The following KCNT2 variants were observed in gnomAD, a reference collection of about 807,000 sequenced individuals.
KCNT2 encodes potassium channel subfamily T member 2.
A neutral mutation model predicts 153.8 loss-of-function variants in KCNT2; 67 were observed. The ratio of observed to expected loss-of-function variants is 0.44; its 90% CI spans 0.36 to 0.53. The LOEUF is 0.53. Ranked by LOEUF, KCNT2 falls within the 20% of genes least tolerant of loss-of-function variation. KCNT2 has a pLI of 0.00. For missense variants in KCNT2, 975 were observed against 1,354.8 expected (o/e 0.72, Z 4.40); for synonymous variants, 500 against 458.8 (o/e 1.09, Z -1.15).
chr1:196,385,001 A>G (rs1286654958), intron 13 of KCNT2, among the ~76,000 whole-genome samples: 1 of 152,070 alleles, frequency 6.6e-6, no homozygotes, highest in East Asian at 1.9e-4. Flanking sequence ...TCACTTAATA[A>G]CCCAAATAAA....
At chr1:196,232,726 C>A (rs1571732655) in intron 27 of KCNT2, among the ~76,000 whole-genome samples, 1 of 151,282 alleles carries the variant, frequency 6.6e-6, no homozygotes, top group East Asian at 1.9e-4. Flanking sequence ...ATATTTTATT[C>A]ATAAGTAAAA....
chr1:196,514,711 A>G (rs1424886491), intron 1 of KCNT2, among the ~76,000 whole-genome samples: 1 of 152,160 alleles, frequency 6.6e-6, no homozygotes, highest in Admixed American at 6.6e-5. Context: ...TCACCAGTAT[A>G]TTGCTTTTCT....
intron 1 of KCNT2, among the ~76,000 whole-genome samples, chr1:196,572,375 G>A (rs1660882733): frequency 6.6e-6 from 1 of 152,038 alleles, no homozygotes; most frequent in East Asian, 1.9e-4. Context: ...AGTGAGTGAG[G>A]ATCTCGCTCA....
At chr1:196,287,952 A>C (rs1659824329) in intron 22 of KCNT2, among the ~76,000 whole-genome samples, 1 of 152,090 alleles carries the variant, frequency 6.6e-6, no homozygotes. Context: ...ATAATTAGGC[A>C]GTAATACATA....
At chr1:196,487,360 A>C (rs921139665) in intron 3 of KCNT2, among the ~76,000 whole-genome samples, 9 of 151,520 alleles carry the variant, frequency 5.9e-5, no homozygotes, top group Non-Finnish European at 1.3e-4. Flanking sequence ...GACAACACAT[A>C]ATCACAAAAT....
intron 25 of KCNT2, among the ~76,000 whole-genome samples, chr1:196,262,014 C>G (rs1444635645): frequency 2.6e-5 from 4 of 151,720 alleles, no homozygotes; most frequent in African/African-American, 9.7e-5. Context: ...ATATTACTTC[C>G]TAAATATTTA....
At chr1:196,534,389 C>A (rs1045784198) in intron 1 of KCNT2, among the ~76,000 whole-genome samples, 1 of 152,030 alleles carries the variant, frequency 6.6e-6, no homozygotes, top group African/African-American at 2.4e-5. Flanking sequence ...CATTTTGAAA[C>A]CTTACTCCAG....
chr1:196,417,055 T>C (rs563068866), intron 12 of KCNT2, among the ~76,000 whole-genome samples: 3 of 152,212 alleles, frequency 2.0e-5, no homozygotes, highest in African/African-American at 7.2e-5. Flanking sequence ...CGTAAGTAAA[T>C]GCATCTATTA....
rs533617770 is a variant in KCNT2 at position 196,589,802 on chromosome 1, TAA to T, written c.95+18411_95+18412del. Among the ~76,000 whole-genome samples the T allele has an allele frequency of 3.4e-4, 44 of 128,122 alleles. No individual in the cohort carries two copies. The East Asian group carries it at 0.011, about 31-fold the overall frequency. The allele number at this position is 128,122 out of a possible 152,430, so 84.1% of individuals were successfully genotyped here. ...GTCTATCATACTCATCCCATTTCATTAAAAGAGTTTTTTAATTTATGCATACA... is the reference window on the plus strand; with the variant it reads ...GTCTATCATACTCATCCCATTTCATTAAGAGTTTTTTAATTTATGCATACA... On this transcript the variant is annotated intron_variant, in intron 1 of 27. Coordinates refer to ENST00000294725, the MANE Select transcript of KCNT2 (RefSeq NM_198503.5).
At chr1:196,370,236 A>G (rs924738151) in intron 14 of KCNT2, among the ~76,000 whole-genome samples, 1 of 152,166 alleles carries the variant, frequency 6.6e-6, no homozygotes, top group Non-Finnish European at 1.5e-5. Flanking sequence ...CAACAATAAG[A>G]CATACCACTG....
intron 13 of KCNT2, 83 bp from the exon 14 acceptor site, chr1:196,373,331 A>G (rs1668689841): frequency 1.4e-6 from 1 of 697,822 alleles, no homozygotes; most frequent in South Asian, 1.7e-5. Context: ...AATGAATAAA[A>G]TGGTAAAAGT....
At chr1:196,267,625 T>C (rs1657670298) in intron 25 of KCNT2, among the ~76,000 whole-genome samples, 1 of 152,150 alleles carries the variant, frequency 6.6e-6, no homozygotes, top group Non-Finnish European at 1.5e-5. Flanking sequence ...GTGGTGCTCG[T>C]GGGCTTCTGG....
At chr1:196,540,991 G>T (rs575600681) in intron 1 of KCNT2, among the ~76,000 whole-genome samples, 1 of 151,944 alleles carries the variant, frequency 6.6e-6, no homozygotes, top group African/African-American at 2.4e-5. Flanking sequence ...GAGTGAACCC[G>T]GGAGGTGGAG....
chr1:196,241,845 A>G (rs537287906), intron 26 of KCNT2, among the ~76,000 whole-genome samples: 3 of 152,072 alleles, frequency 2.0e-5, no homozygotes, highest in South Asian at 4.1e-4. Context: ...TCACTACCCT[A>G]CTTGTGTTTA....
In KCNT2 at chr1:196,424,139, G is replaced by A. The variant is rs540504416; in HGVS notation, c.1122-1026C>T. Among the ~76,000 whole-genome samples, 193 of 151,724 alleles carry A rather than the reference G, an allele frequency of 1.3e-3. 1 individual carries two copies. Among genetic ancestry groups the A allele is most frequent in the African/African-American group, 4.5e-3 (186 of 41,420 alleles). ...TCCCTTCCCTTTTCTTTTATCACAT[G>A]GAGGAATTCTTCTTGTAAATATGGT... On this transcript the variant is annotated intron_variant, in intron 11 of 27. Coordinates refer to ENST00000294725, the MANE Select transcript of KCNT2 (RefSeq NM_198503.5).
At chr1:196,485,956 C>A (rs1262902663) in intron 3 of KCNT2, among the ~76,000 whole-genome samples, 1 of 151,728 alleles carries the variant, frequency 6.6e-6, no homozygotes, top group African/African-American at 2.4e-5. Flanking sequence ...AGAAAACATG[C>A]ACAATAATAT....
intron 22 of KCNT2, among the ~76,000 whole-genome samples, chr1:196,290,010 T>C (rs148633751): frequency 2.6e-5 from 4 of 152,202 alleles, no homozygotes; most frequent in African/African-American, 9.6e-5. Context: ...AGAAATTTTG[T>C]TTCCTTTAAT....
intron 1 of KCNT2, among the ~76,000 whole-genome samples, chr1:196,593,370 A>AT (rs1214715638): frequency 7.0e-6 from 1 of 143,156 alleles, no homozygotes; most frequent in South Asian, 2.2e-4. Flanking sequence ...GTATTTTTTT[A>AT]TTTTTTTCTT....
intron 1 of KCNT2, among the ~76,000 whole-genome samples, chr1:196,534,414 C>T (rs201288470): frequency 6.6e-6 from 1 of 151,430 alleles, no homozygotes; most frequent in African/African-American, 2.4e-5. Context: ...TAAATACATA[C>T]AAGCCACAAA....
Sources: gnomAD v4.1 joint callset for allele counts (sites outside exome capture counted in the v4.1 genomes callset) on GRCh38, gnomAD v4.1.1 for gene constraint, MANE v1.5 for transcripts, NCBI Gene and HGNC (gene_info 2026-07-23, HGNC 2026-07-21) for gene names.